PCDHA7: variants seen among roughly 807,000 people sequenced by gnomAD.
PCDHA7 encodes protocadherin alpha 7, also known as protocadherin alpha-7.
In PCDHA7, 37 loss-of-function variants were observed where a neutral mutation model predicts 57.2. That is an observed-to-expected ratio of 0.65 (90% CI 0.50 to 0.85). PCDHA7 has a LOEUF of 0.85. Among genes scored for constraint, PCDHA7 ranks in the 40% least tolerant of loss-of-function variants. The pLI is 0.00. For synonymous variants in PCDHA7, 553 were observed against 558.8 expected (o/e 0.99, Z 0.15); for missense variants, 1,188 against 1,241.8 (o/e 0.96, Z 0.65).
At chr5:140,986,524 G>GAACT (rs1403082336) in intron 3 of PCDHA7, among the ~76,000 whole-genome samples, 2 of 152,198 alleles carry the variant, frequency 1.3e-5, no homozygotes, top group Non-Finnish European at 2.9e-5. Flanking sequence ...GCCTGTGAGG[G>GAACT]AACTGGCCTG....
At chr5:140,854,178 A>AAATT in intron 1 of PCDHA7, 2 of 531,176 alleles carry the variant, frequency 3.8e-6, no homozygotes, top group Non-Finnish European at 4.8e-6. Flanking sequence ...AAAAAAAAAG[A>AAATT]GTAGTTTAAC....
chr5:140,874,152 T>C (rs1416330070), intron 1 of PCDHA7, among the ~76,000 whole-genome samples: 1 of 152,228 alleles, frequency 6.6e-6, no homozygotes, highest in African/African-American at 2.4e-5. Context: ...TGTAGAGCCA[T>C]TCTTGGTTAC....
intron 3 of PCDHA7, 49 bp downstream of exon 3, chr5:140,982,612 C>A (rs782489208): frequency 6.3e-7 from 1 of 1,599,358 alleles, no homozygotes; most frequent in Admixed American, 1.7e-5. Context: ...GGAAAGTGAT[C>A]AGATGACCTA....
chr5:141,001,764 G>A (rs1186356180), intron 3 of PCDHA7, among the ~76,000 whole-genome samples: 1 of 152,160 alleles, frequency 6.6e-6, no homozygotes, highest in East Asian at 1.9e-4. Context: ...GATGGCGGAT[G>A]GTTTTTGCCT....
rs114930676 is a variant in PCDHA7 at position 140,999,076 on chromosome 5, C to G, written c.2504-10551C>G. ...CATGCCTAAGTAGTCTCCTTCACTT[C>G]CTCCTTCAGAGGGCTATGGAGAGTA... On this transcript the variant is annotated intron_variant, in intron 3 of 3. Transcript: ENST00000525929. Among the ~76,000 whole-genome samples the G allele has an allele frequency of 3.3e-3, 503 of 152,332 alleles. 4 individuals are homozygous for G. The highest frequency in any genetic ancestry group is 0.011 in the African/African-American group (469 of 41,568).
At chr5:140,990,288 C>T (rs537252814) in intron 3 of PCDHA7, among the ~76,000 whole-genome samples, 1 of 152,226 alleles carries the variant, frequency 6.6e-6, no homozygotes, top group South Asian at 2.1e-4. Context: ...TTGAGATTAT[C>T]GATGCCATTG....
chr5:140,906,337 C>A (rs2072574983), intron 1 of PCDHA7, among the ~76,000 whole-genome samples: 1 of 152,192 alleles, frequency 6.6e-6, no homozygotes, highest in Non-Finnish European at 1.5e-5. Flanking sequence ...ATCCTTCATA[C>A]AACCAAGAAT....
At chr5:140,981,859 C>A (rs2096954450) in intron 2 of PCDHA7, among the ~76,000 whole-genome samples, 1 of 152,118 alleles carries the variant, frequency 6.6e-6, no homozygotes, top group African/African-American at 2.4e-5. Flanking sequence ...TCACTCCCAG[C>A]AATGTTTTAT....
chr5:140,884,819 A>G (rs782729760), intron 1 of PCDHA7: 398 of 1,018,150 alleles, frequency 3.9e-4, no homozygotes, highest in Admixed American at 1.1e-3. Context: ...TGTGGACATT[A>G]TGTGTTGGAT....
At chr5:140,925,238 T>C (rs2082404327) in intron 1 of PCDHA7, among the ~76,000 whole-genome samples, 1 of 152,248 alleles carries the variant, frequency 6.6e-6, no homozygotes, top group African/African-American at 2.4e-5. Context: ...CCAGAAAATA[T>C]GTCCTGGAAA....
intron 1 of PCDHA7, chr5:140,851,624 A>G (rs1224878154): frequency 1.1e-6 from 1 of 920,370 alleles, no homozygotes; most frequent in Non-Finnish European, 1.3e-6. Context: ...AATGCTTTTT[A>G]AACAAGTGTT....
intron 3 of PCDHA7, among the ~76,000 whole-genome samples, chr5:140,989,708 G>T (rs2097355537): frequency 6.6e-6 from 1 of 152,154 alleles, no homozygotes; most frequent in South Asian, 2.1e-4. Context: ...ATCTTCAGAG[G>T]CAGTCAGCTT....
At chr5:140,994,355 G>A (rs2097616615) in intron 3 of PCDHA7, among the ~76,000 whole-genome samples, 2 of 152,240 alleles carry the variant, frequency 1.3e-5, no homozygotes, top group South Asian at 4.1e-4. Flanking sequence ...TGGGACCTCA[G>A]AAGATGGAAT....
chr5:141,005,959 A>G (rs1225421383), intron 3 of PCDHA7, among the ~76,000 whole-genome samples: 1 of 152,048 alleles, frequency 6.6e-6, no homozygotes, highest in African/African-American at 2.4e-5. Context: ...ACAAACAACA[A>G]TAAAAAAACA....
chr5:141,005,255 CACTGGTGATACATTGGTGAAT>C (rs1319250318), intron 3 of PCDHA7, among the ~76,000 whole-genome samples: 1 of 152,182 alleles, frequency 6.6e-6, no homozygotes, highest in African/African-American at 2.4e-5. Context: ...TTGTGCTAGG[CACTGGTGATACATTGGTGAAT>C]AAACAGATAC....
chr5:140,845,640 T>C (rs1256673286), intron 1 of PCDHA7, among the ~76,000 whole-genome samples: 1 of 149,636 alleles, frequency 6.7e-6, no homozygotes, highest in Non-Finnish European at 1.5e-5. Flanking sequence ...AATCAAGTCC[T>C]CCCTTTACCA....
At chr5:140,963,925 T>C (rs1293339875) in intron 1 of PCDHA7, among the ~76,000 whole-genome samples, 1 of 152,230 alleles carries the variant, frequency 6.6e-6, no homozygotes, top group Non-Finnish European at 1.5e-5. Flanking sequence ...CTAAGTAACA[T>C]GTCCATAGCC....
chr5:140,844,595 A>G (rs2150372413), intron 1 of PCDHA7, among the ~76,000 whole-genome samples: 1 of 149,668 alleles, frequency 6.7e-6, no homozygotes, highest in East Asian at 1.9e-4. Flanking sequence ...GATATTTAAT[A>G]TATGACTTAG....
intron 1 of PCDHA7, chr5:140,848,306 T>C (rs1781428970): frequency 1.4e-6 from 1 of 705,366 alleles, no homozygotes; most frequent in South Asian, 2.0e-5. Context: ...GTGATGTCAC[T>C]CTTTGCCGCG....
Sources: allele counts gnomAD v4.1 joint callset (sites outside exome capture counted in the v4.1 genomes callset), GRCh38; gene constraint gnomAD v4.1.1; transcripts MANE v1.5; gene names NCBI Gene and HGNC (gene_info 2026-07-23, HGNC 2026-07-21).